Variants in RAB27A observed in about 807,000 individuals in gnomAD.
RAB27A encodes RAB27A, member RAS oncogene family, also known as ras-related protein Rab-27A.
In RAB27A, 17 loss-of-function variants were observed where a neutral mutation model predicts 20.8. That is an observed-to-expected ratio of 0.82 (90% CI 0.56 to 1.23). RAB27A has a LOEUF of 1.23. RAB27A is among the 50% of genes most tolerant of loss of function. RAB27A has a pLI of 0.00. For missense variants in RAB27A, 277 were observed against 266.7 expected, an observed-to-expected ratio of 1.04 and a Z score of -0.27; for synonymous variants, 85 against 92.8, an observed-to-expected ratio of 0.92 and a Z score of 0.48.
intron 2 of RAB27A, among the ~76,000 whole-genome samples, chr15:55,257,952 C>T (rs1368026341): frequency 1.3e-5 from 2 of 151,632 alleles, no homozygotes; most frequent in African/African-American, 2.4e-5. Context: ...GAGATCATGC[C>T]ACTGCACTCC....
chr15:55,205,427 C>G lies in RAB27A; in HGVS notation c.*80G>C. Reference sequence around the variant, plus strand: ...CAATTTGTACACAATGCCCATTAATCTCTCACTGTGCCATGTATCAATCAT... The same window carrying G: ...CAATTTGTACACAATGCCCATTAATGTCTCACTGTGCCATGTATCAATCAT... On this transcript the variant is annotated 3_prime_UTR_variant, in exon 7 of 7. Transcript: ENST00000336787. The G allele has an allele frequency of 2.8e-6, 4 of 1,417,664 alleles. No homozygotes were observed. In the Admixed American group the frequency reaches 6.7e-5, roughly 24 times the overall value. The allele number at this position is 1,417,664 out of a possible 1,614,324, so 87.8% of individuals were successfully genotyped here.
chr15:55,209,809 C>T (rs918822335), intron 6 of RAB27A, among the ~76,000 whole-genome samples: 1 of 121,682 alleles, frequency 8.2e-6, no homozygotes, highest in Non-Finnish European at 1.7e-5. Flanking sequence ...TACATATATA[C>T]ACACATGTGT....
At chr15:55,265,806 A>G (rs920400105) in intron 2 of RAB27A, among the ~76,000 whole-genome samples, 5 of 152,152 alleles carry the variant, frequency 3.3e-5, no homozygotes, top group African/African-American at 1.2e-4. Context: ...GAAGGGATGC[A>G]TGGAGGTAGG....
chr15:55,272,469 C>T (rs1221101577), intron 1 of RAB27A, among the ~76,000 whole-genome samples: 1 of 152,218 alleles, frequency 6.6e-6, no homozygotes, highest in African/African-American at 2.4e-5. Context: ...AGTAAGCACC[C>T]AGGTGATGCC....
chr15:55,309,409 T>C (rs529518869), intron 2 of RAB27A, among the ~76,000 whole-genome samples: 1 of 152,318 alleles, frequency 6.6e-6, no homozygotes, highest in East Asian at 1.9e-4. Context: ...TTAAGAGCGC[T>C]TGGGTGGCTT....
chr15:55,226,169 TG>T (rs1231121916), intron 5 of RAB27A, among the ~76,000 whole-genome samples: 2 of 152,182 alleles, frequency 1.3e-5, no homozygotes, highest in Non-Finnish European at 2.9e-5. Flanking sequence ...TAGCACTGGA[TG>T]AAGAGTGACT....
chr15:55,316,883 GA>G (rs1423475289), intron 1 of RAB27A, among the ~76,000 whole-genome samples: 1 of 152,174 alleles, frequency 6.6e-6, no homozygotes, highest in East Asian at 1.9e-4. Flanking sequence ...GGCTGGGATT[GA>G]ATGACTGCCA....
chr15:55,317,627 A>T (rs2055059759), intron 1 of RAB27A: 2 of 398,080 alleles, frequency 5.0e-6, no homozygotes, highest in Non-Finnish European at 8.9e-6. Context: ...TCCATGTAGT[A>T]TTAACTTTTC....
At chr15:55,304,993 T>A (rs2054991204) in intron 2 of RAB27A, among the ~76,000 whole-genome samples, 1 of 152,224 alleles carries the variant, frequency 6.6e-6, no homozygotes, top group Non-Finnish European at 1.5e-5. Flanking sequence ...CCAATCATTG[T>A]CCTTCCCACT....
At chr15:55,271,906 C>T (rs1897719552) in intron 1 of RAB27A, among the ~76,000 whole-genome samples, 1 of 152,192 alleles carries the variant, frequency 6.6e-6, no homozygotes, top group Admixed American at 6.5e-5. Context: ...ACCAGTCTGA[C>T]ATCTCTTCTC....
intron 3 of RAB27A, among the ~76,000 whole-genome samples, chr15:55,232,487 TA>T (rs1896072093): frequency 6.6e-6 from 1 of 152,064 alleles, no homozygotes. Flanking sequence ...AAACAACGAA[TA>T]GAAATTATTC....
intron 2 of RAB27A, among the ~76,000 whole-genome samples, chr15:55,248,647 C>T (rs143303579): frequency 3.3e-5 from 5 of 152,134 alleles, no homozygotes; most frequent in African/African-American, 7.2e-5. Context: ...AAATAGATCA[C>T]GTGTTTAAAA....
chr15:55,291,283 G>A (rs1029547729), upstream of RAB27A, among the ~76,000 whole-genome samples: 1 of 152,072 alleles, frequency 6.6e-6, no homozygotes, highest in Non-Finnish European at 1.5e-5. Flanking sequence ...GCCCGAGGCC[G>A]GCAGATCACG....
At chr15:55,209,181 AAT>A (rs940973031) in intron 6 of RAB27A, among the ~76,000 whole-genome samples, 1 of 152,176 alleles carries the variant, frequency 6.6e-6, no homozygotes, top group African/African-American at 2.4e-5. Flanking sequence ...CAAGATATAC[AAT>A]AGATTGTTGT....
intron 6 of RAB27A, among the ~76,000 whole-genome samples, chr15:55,218,927 A>T (rs897166833): frequency 5.9e-5 from 9 of 151,978 alleles, no homozygotes; most frequent in African/African-American, 1.9e-4. Flanking sequence ...ATTTTTGTAG[A>T]GACGGGGTTT....
chr15:55,240,627 G>A (rs1034068553), intron 2 of RAB27A, among the ~76,000 whole-genome samples: 2 of 152,062 alleles, frequency 1.3e-5, no homozygotes, highest in Non-Finnish European at 2.9e-5. Context: ...AAAAATGGAG[G>A]TTAAAGGCAG....
At chr15:55,255,518 A>G (rs1897047000) in intron 2 of RAB27A, among the ~76,000 whole-genome samples, 2 of 152,264 alleles carry the variant, frequency 1.3e-5, no homozygotes, top group South Asian at 2.1e-4. Context: ...AATTGTGTCT[A>G]TCATCTGCTT....
intron 1 of RAB27A, among the ~76,000 whole-genome samples, chr15:55,282,764 T>G (rs553053215): frequency 2.0e-5 from 3 of 152,082 alleles, no homozygotes; most frequent in African/African-American, 7.2e-5. Context: ...AGCCTCTCAC[T>G]TCCTCCTGCT....
At chr15:55,297,210 G>A (rs1424020735) in intron 2 of RAB27A, among the ~76,000 whole-genome samples, 1 of 152,234 alleles carries the variant, frequency 6.6e-6, no homozygotes, top group Non-Finnish European at 1.5e-5. Flanking sequence ...CTTCTTTTGA[G>A]ATCATCTTAT....
Sources: allele counts gnomAD v4.1 joint callset (sites outside exome capture counted in the v4.1 genomes callset), GRCh38; gene constraint gnomAD v4.1.1; transcripts MANE v1.5; gene names NCBI Gene and HGNC (gene_info 2026-07-23, HGNC 2026-07-21).